Variants in DPYS observed in about 807,000 individuals in gnomAD.
The protein encoded by DPYS is dihydropyrimidine amidohydrolase.
Under a neutral mutation model 50.3 loss-of-function variants are expected in DPYS, and 39 were observed. The observed-to-expected ratio is 0.78, with a 90% confidence interval of 0.60 to 1.01. The LOEUF is 1.01. Among genes scored for constraint, DPYS ranks in the 50% least tolerant of loss-of-function variants. The pLI is 0.00. For synonymous variants in DPYS, 245 were observed against 250.7 expected (o/e 0.98, Z 0.22); for missense variants, 659 against 680.9 (o/e 0.97, Z 0.36).
At chr8:104,414,241 T>G (rs892153278) in intron 7 of DPYS, among the ~76,000 whole-genome samples, 9 of 152,194 alleles carry the variant, frequency 5.9e-5, no homozygotes, top group Non-Finnish European at 1.3e-4. Flanking sequence ...TATAGAGAAC[T>G]CCATTTGGGG....
At chr8:104,455,581 C>T (rs1400387315) in intron 1 of DPYS, among the ~76,000 whole-genome samples, 1 of 152,156 alleles carries the variant, frequency 6.6e-6, no homozygotes, top group Non-Finnish European at 1.5e-5. Flanking sequence ...CATTTGCAGA[C>T]AGGAAGACAT....
intron 8 of DPYS, among the ~76,000 whole-genome samples, chr8:104,382,370 A>C (rs1354634413): frequency 6.6e-6 from 1 of 152,072 alleles, no homozygotes; most frequent in Non-Finnish European, 1.5e-5. Context: ...ATTTTGGCTC[A>C]CTGTCTACTC....
chr8:104,444,283 G>C lies in DPYS; in HGVS notation c.758C>G (p.Ser253Cys), dbSNP rs150790730. Reference sequence around the variant, plus strand: ...TGCATCCGCTATCACCTTAGCTGCAGACTTGCTCATCACATGCACAATGTA... The same window carrying C: ...TGCATCCGCTATCACCTTAGCTGCACACTTGCTCATCACATGCACAATGTA... Reference protein sequence around the residue: ...PLYIVHVMSKSAAKVIADARR... With the variant: ...PLYIVHVMSKCAAKVIADARR... The change falls in exon 4 of 10, where the codon TCT (serine) becomes TGT (cysteine). Residue 253 changes from serine (S) to cysteine (C), a missense_variant. By Grantham distance (112) the Ser-to-Cys change is moderately radical. Transcript: ENST00000351513. 1.9e-5 allele frequency: 30 copies of C among 1,614,096 alleles called. No homozygotes were observed. Among genetic ancestry groups the C allele is most frequent in the Non-Finnish European group, 2.5e-5 (30 of 1,180,060 alleles).
At chr8:104,419,639 C>T (rs953980386) in intron 7 of DPYS, 6 of 152,058 alleles carry the variant, frequency 3.9e-5, no homozygotes, top group Admixed American at 1.3e-4. Flanking sequence ...ATCTTCCTCC[C>T]GCAAACCCAC....
At chr8:104,413,901 G>A (rs1812277863) in intron 7 of DPYS, among the ~76,000 whole-genome samples, 1 of 152,172 alleles carries the variant, frequency 6.6e-6, no homozygotes. Context: ...GAGAAGGGTG[G>A]ATACAGGAGA....
chr8:104,407,582 A>G (rs1307311673), intron 7 of DPYS, among the ~76,000 whole-genome samples: 1 of 152,230 alleles, frequency 6.6e-6, no homozygotes, highest in East Asian at 1.9e-4. Flanking sequence ...GCAAGTTGTC[A>G]TGTTTTCTTT....
chr8:104,380,915 G>C (rs1811009478), intron 9 of DPYS: 5 of 384,906 alleles, frequency 1.3e-5, no homozygotes, highest in South Asian at 1.3e-4. Flanking sequence ...AGCCTCCTTA[G>C]TGCAACTTGC....
chr8:104,393,049 A>G, intron 7 of DPYS, 58 bp from the exon 8 acceptor site: 1 of 1,498,242 alleles, frequency 6.7e-7, no homozygotes. Flanking sequence ...CTTGATAAAT[A>G]TAAAATATTA....
At chr8:104,391,479 G>A (rs1811386565) in intron 8 of DPYS, among the ~76,000 whole-genome samples, 1 of 152,148 alleles carries the variant, frequency 6.6e-6, no homozygotes, top group South Asian at 2.1e-4. Context: ...GTGGGATTGA[G>A]GACACAGGGT....
At chr8:104,414,064 A>G (rs1202747673) in intron 7 of DPYS, among the ~76,000 whole-genome samples, 1 of 152,242 alleles carries the variant, frequency 6.6e-6, no homozygotes, top group Non-Finnish European at 1.5e-5. Flanking sequence ...ATGAGAATGT[A>G]GATATATTCT....
chr8:104,461,291 C>CAATAAAATAAAATAAAATAAAATAA lies in DPYS; in HGVS notation c.264+5341_264+5365dup, dbSNP rs5893688. On this transcript the variant is annotated intron_variant, in intron 1 of 9. Coordinates refer to ENST00000351513, the MANE Select transcript of DPYS (RefSeq NM_001385.3). The stretch of plus-strand genomic sequence containing the variant: ...CAGGTGAGAGAGTGAGACCCTGTCT[C>CAATAAAATAAAATAAAATAAAATAA]AATAAAATAAAATAAAATAAAATAA... Among the ~76,000 whole-genome samples the CAATAAAATAAAATAAAATAAAATAA allele has an allele frequency of 1.5e-3, 166 of 110,268 alleles. 1 individual carries two copies. The highest frequency in any genetic ancestry group is 4.0e-3 in the Middle Eastern group (1 of 250). 72.3% of individuals were successfully genotyped at this position (110,268 alleles called of 152,430 possible). A position where few individuals can be genotyped will look rare whatever the true frequency, so the allele number is the denominator to read the frequency against.
rs1308948619 is a variant in DPYS, at chr8:104,466,758, C to A, written c.163G>T (p.Ala55Ser). 6.5e-6 allele frequency: 10 copies of A among 1,534,670 alleles called. No homozygotes were observed. The highest frequency in any genetic ancestry group is 6.0e-5 in the South Asian group (5 of 83,614). ...CCTCCGGGCAGGACGAGCTTGCCGG[C>A]GGCGTCGAGGACCCGCAGCCCCGCA... The part of the protein sequence containing the change: ...APAGLRVLDA[A>S]GKLVLPGGID... The change falls in exon 1 of 10, where the codon GCC becomes TCC. Residue 55 changes from alanine to serine, a missense_variant. Ala to Ser is a moderately conservative substitution (Grantham distance 99). Coordinates refer to ENST00000351513, the MANE Select transcript of DPYS (RefSeq NM_001385.3).
chr8:104,453,282 T>C (rs145593816), intron 1 of DPYS, among the ~76,000 whole-genome samples: 136 of 152,356 alleles, frequency 8.9e-4, no homozygotes, highest in African/African-American at 3.2e-3. Flanking sequence ...TATTTGCATT[T>C]CTTAAGAAAT....
intron 4 of DPYS, among the ~76,000 whole-genome samples, chr8:104,441,216 G>A (rs1261963354): frequency 1.3e-5 from 2 of 152,144 alleles, no homozygotes; most frequent in Non-Finnish European, 2.9e-5. Flanking sequence ...CAACTACAAC[G>A]TTTAGGGAGG....
chr8:104,389,952 A>G lies in DPYS; in HGVS notation c.1443+2832T>C, dbSNP rs138428466. 1.2e-3 allele frequency among the ~76,000 whole-genome samples: 181 copies of G among 152,366 alleles called. 1 individual carries two copies. The highest frequency in any genetic ancestry group is 4.1e-3 in the African/African-American group (171 of 41,590). ...CATTAATTCTGCCAAAAAAATCACA[A>G]AACAATTTGCAAAGGAGAACTGATG... is the stretch of plus-strand genomic sequence containing the variant. On this transcript the variant is annotated intron_variant, in intron 8 of 9. Transcript: ENST00000351513.
chr8:104,391,850 T>G (rs370753595), intron 8 of DPYS, among the ~76,000 whole-genome samples: 4 of 152,166 alleles, frequency 2.6e-5, no homozygotes, highest in African/African-American at 7.2e-5. Context: ...CCTCAAGTGA[T>G]TCTCCCACCT....
chr8:104,380,732 G>A (rs1346737475), intron 9 of DPYS: 2 of 161,416 alleles, frequency 1.2e-5, no homozygotes, highest in Admixed American at 1.2e-4. Flanking sequence ...TTTTCTGAAG[G>A]ATTATATCCC....
At chr8:104,426,974 G>A (rs528827780) in intron 6 of DPYS, among the ~76,000 whole-genome samples, 1 of 152,252 alleles carries the variant, frequency 6.6e-6, no homozygotes, top group Non-Finnish European at 1.5e-5. Context: ...GCGAAGGCGG[G>A]TGGATCACCT....
chr8:104,402,098 A>ATAGGTCATGGATGGTGATG (rs1811835320), intron 7 of DPYS, among the ~76,000 whole-genome samples: 1 of 152,244 alleles, frequency 6.6e-6, no homozygotes, highest in Non-Finnish European at 1.5e-5. Context: ...GGTATGTAAT[A>ATAGGTCATGGATGGTGATG]TAGGTCATGG....
Sources: allele counts gnomAD v4.1 joint callset (sites outside exome capture counted in the v4.1 genomes callset), GRCh38; gene constraint gnomAD v4.1.1; transcripts MANE v1.5; gene names NCBI Gene and HGNC (gene_info 2026-07-23, HGNC 2026-07-21).